KANK2: variants seen among roughly 807,000 people sequenced by gnomAD.
KANK2 encodes KN motif and ankyrin repeat domains 2.
Under a neutral mutation model 74.6 loss-of-function variants are expected in KANK2, and 41 were observed. The observed-to-expected ratio is 0.55, with a 90% CI of 0.43 to 0.71. The LOEUF (loss-of-function observed/expected upper bound fraction) is 0.71. Ranked by LOEUF, KANK2 falls within the 30% of genes least tolerant of loss-of-function variation. KANK2 has a pLI of 0.00. For missense variants in KANK2, 1,148 were observed against 1,196.4 expected (o/e 0.96, Z 0.60); for synonymous variants, 537 against 519.0 (o/e 1.03, Z -0.47).
At position 11,170,355 on chromosome 19, in the gene KANK2, C is replaced by T. The variant is rs1343998634; in HGVS notation, c.2212-107G>A. On this transcript the variant is annotated intron_variant, in intron 10 of 12. Transcript: ENST00000586659. This position sits in a 1 kb window ranked among gnomAD's most constrained non-coding sequence, Gnocchi z 5.2. Reference sequence around the variant, plus strand: ...CCACATACTCTGATGGTGAAATGTACCCTCAACTTGCTGATCTCCTCCTGA... The same window carrying T: ...CCACATACTCTGATGGTGAAATGTATCCTCAACTTGCTGATCTCCTCCTGA... 145 of 828,736 alleles carry T rather than the reference C, an allele frequency of 1.7e-4. No homozygotes were observed. Among genetic ancestry groups the T allele is most frequent in the Non-Finnish European group, 2.1e-5 (11 of 527,768 alleles). 51.3% of individuals were successfully genotyped at this position (828,736 alleles called of 1,614,324 possible).
chr19:11,176,278 GA>G (rs1173455044), intron 7 of KANK2, among the ~76,000 whole-genome samples: 1 of 152,136 alleles, frequency 6.6e-6, no homozygotes, highest in Non-Finnish European at 1.5e-5. Context: ...GAATAAAAAA[GA>G]GACATAAATA....
intron 4 of KANK2, 57 bp from the exon 5 acceptor site, chr19:11,178,777 C>T: frequency 6.9e-7 from 1 of 1,451,592 alleles, no homozygotes; most frequent in Non-Finnish European, 9.1e-7. Flanking sequence ...ACCACCACAG[C>T]CCTGCGGGTC....
At chr19:11,189,023 C>A (rs953171128) in intron 4 of KANK2, among the ~76,000 whole-genome samples, 1 of 151,424 alleles carries the variant, frequency 6.6e-6, no homozygotes, top group Non-Finnish European at 1.5e-5. Context: ...GGCTATAGGG[C>A]CAAGAGCTGA....
At chr19:11,182,561 A>AAC (rs766300556) in intron 4 of KANK2, among the ~76,000 whole-genome samples, 1 of 143,690 alleles carries the variant, frequency 7.0e-6, no homozygotes, top group African/African-American at 2.5e-5. Flanking sequence ...CAAAACAAAA[A>AAC]AGCCAGGCGC....
At position 11,174,586 on chromosome 19, in the gene KANK2, G is replaced by C. The variant is rs1395512662; in HGVS notation, c.1955C>G (p.Ser652Cys). The change falls in exon 9 of 13, where the codon TCT (serine) becomes TGT (cysteine). Residue 652 changes from serine to cysteine, a missense_variant. Physicochemically the swap from Ser to Cys is moderately radical, Grantham distance 112 (BLOSUM62 -1). Transcript: ENST00000586659. ...RRHLVTFRAM[S>C]ARLLDYVVNI... ...GACCACGTAGTCCAGCAGCCGCGCA[G>C]ACATGGCCCGGAACGTGACCAGGTG... is the stretch of plus-strand genomic sequence containing the variant. The C allele has an allele frequency of 1.2e-6, 2 of 1,613,310 alleles. No homozygotes were observed. The highest frequency in any genetic ancestry group is 1.7e-6 in the Non-Finnish European group (2 of 1,179,832).
At chr19:11,189,978 C>T (rs80158258) in intron 4 of KANK2, among the ~76,000 whole-genome samples, 1,918 of 152,176 alleles carry the variant, frequency 0.013, 32 homozygotes, top group African/African-American at 0.037. Flanking sequence ...CACGGGCCGG[C>T]GAGAAAACAC....
In KANK2 at chr19:11,193,137, G is replaced by A; in HGVS notation, c.943C>T (p.Pro315Ser). The A allele has an allele frequency of 6.2e-7, 1 of 1,607,576 alleles. No homozygotes were observed. The highest frequency in any genetic ancestry group is 8.5e-7 in the Non-Finnish European group (1 of 1,176,940). Residue 315 changes from proline (P) to serine (S), a missense_variant, in exon 4 of 13, where the codon CCC becomes TCC. Pro to Ser is a moderately conservative substitution (Grantham distance 74). Transcript: ENST00000586659. This position sits in a 1 kb window ranked among gnomAD's most constrained non-coding sequence, Gnocchi z 9.6. ...CTGTCCGGCGGTGGCCAGGCCTGGGGCTGGGGGTCAGCCTGCCGGGCCTGA... is the reference window on the plus strand; with the variant it reads ...CTGTCCGGCGGTGGCCAGGCCTGGGACTGGGGGTCAGCCTGCCGGGCCTGA... Reference protein sequence around the residue: ...AAQARQADPQPQAWPPPDSPV... With the variant: ...AAQARQADPQSQAWPPPDSPV...
chr19:11,170,883 G>A lies in KANK2; in HGVS notation c.2212-635C>T, dbSNP rs1185557385. 2.0e-5 allele frequency among the ~76,000 whole-genome samples: 3 copies of A among 152,054 alleles called. No individual in the cohort carries two copies. Among genetic ancestry groups the A allele is most frequent in the African/African-American group, 7.2e-5 (3 of 41,412 alleles). ...TGTCACCAGGCTGGAGTGCAGTGGC[G>A]CAATCTCGGCTCACTGCAACCTCCA... On this transcript the variant is annotated intron_variant, in intron 10 of 12. Transcript: ENST00000586659. This position sits in a 1 kb window ranked among gnomAD's most constrained non-coding sequence, Gnocchi z 5.2.
intron 6 of KANK2, among the ~76,000 whole-genome samples, chr19:11,177,371 T>C (rs1173372797): frequency 1.3e-5 from 2 of 152,044 alleles, no homozygotes; most frequent in Non-Finnish European, 2.9e-5. Flanking sequence ...CCATTTTTTT[T>C]TGAGACGGAG....
rs2078896018 is a variant in KANK2 at position 11,192,951 on chromosome 19, G to A, written c.1129C>T (p.Pro377Ser). 15 of 1,614,188 alleles carry A rather than the reference G, an allele frequency of 9.3e-6. No individual in the cohort carries two copies. The highest frequency in any genetic ancestry group is 1.3e-5 in the Non-Finnish European group (15 of 1,180,016). The change falls in exon 4 of 13, where the codon CCT becomes TCT. Residue 377 changes from proline (P) to serine (S), a missense_variant. Coordinates refer to ENST00000586659, the MANE Select transcript of KANK2 (RefSeq NM_001136191.3). ...LAMPGRPESP[P>S]VFRSQEVVET... ...ACCACCTCCTGGCTGCGGAACACAGGTGGGCTCTCAGGCCTACCAGGCATT... is the reference window on the plus strand; with the variant it reads ...ACCACCTCCTGGCTGCGGAACACAGATGGGCTCTCAGGCCTACCAGGCATT...
rs59959063 is a variant in KANK2 at position 11,169,779 on chromosome 19, C to T, written c.2502+98G>A. 1.1e-3 allele frequency: 1,091 copies of T among 1,022,670 alleles called. 10 individuals carry two copies. In the African/African-American group the frequency reaches 0.014, roughly 13 times the overall value. The allele number at this position is 1,022,670 out of a possible 1,614,324, so 63.3% of individuals were successfully genotyped here. ...TCGTGCCACCGCACTCCACCCTGGG[C>T]GACAGAGTGAGACTCTGCCTCAAAA... On this transcript the variant is annotated intron_variant, in intron 12 of 12. Transcript: ENST00000586659.
chr19:11,178,638 T>C lies in KANK2; in HGVS notation c.1332A>G (p.Thr444=). The C allele has an allele frequency of 6.3e-7, 1 of 1,587,050 alleles. No individual in the cohort carries two copies. The highest frequency in any genetic ancestry group is 1.4e-5 in the African/African-American group (1 of 72,998). Reference sequence around the variant, plus strand: ...TGGGCTCCTGGGTGGGCACTCGGCCTGTGCTCTTCTCAGGCTGTGTAAGGG... The same window carrying C: ...TGGGCTCCTGGGTGGGCACTCGGCCCGTGCTCTTCTCAGGCTGTGTAAGGG... ...VASLTQPEKS[T]GRVPTQEPTH... Residue 444 remains threonine, a synonymous_variant, in exon 5 of 13, where the codon ACA becomes ACG. Transcript: ENST00000586659.
intron 9 of KANK2, among the ~76,000 whole-genome samples, chr19:11,173,656 A>G (rs1227288498): frequency 6.6e-6 from 1 of 152,026 alleles, no homozygotes; most frequent in Non-Finnish European, 1.5e-5. Flanking sequence ...TGCCTTTTCC[A>G]TTATGCTGGC....
chr19:11,189,603 C>CAAAAAAAAAAAAAAA (rs56203270), intron 4 of KANK2, among the ~76,000 whole-genome samples: 1 of 43,126 alleles, frequency 2.3e-5, no homozygotes. Context: ...GACTCTGTCT[C>CAAAAAAAAAAAAAAA]AAAAAAAAAA....
At chr19:11,172,322 A>T (rs748153179) in intron 10 of KANK2, among the ~76,000 whole-genome samples, 2 of 152,192 alleles carry the variant, frequency 1.3e-5, no homozygotes, top group Non-Finnish European at 2.9e-5. Flanking sequence ...CTTGGAAATT[A>T]AAACAAAATT....
chr19:11,171,063 G>A (rs867793152), intron 10 of KANK2, among the ~76,000 whole-genome samples: 1 of 152,062 alleles, frequency 6.6e-6, no homozygotes, highest in African/African-American at 2.4e-5. Flanking sequence ...CTCGTGATCC[G>A]CCCGCCTAGG....
At position 11,170,237 on chromosome 19, in the gene KANK2, C is replaced by T. The variant is rs760607809; in HGVS notation, c.2223G>A (p.Thr741=). The T allele has an allele frequency of 7.5e-5, 121 of 1,609,686 alleles. No individual in the cohort carries two copies. In the East Asian group the frequency reaches 1.6e-3, roughly 21 times the overall value. ...INAKASQAGQ[T]ALMLAVSHGR... ...CGTGGCTGACGGCCAGCATCAGGGC[C>T]GTCTGTCCTGCCTGGGGAGGGCAAG... The change falls in exon 11 of 13, where the codon ACG becomes ACA. Residue 741 remains threonine (T), a synonymous_variant. Transcript: ENST00000586659. The surrounding 1 kb of genome is among the most constrained non-coding windows in gnomAD (Gnocchi z 5.2).
intron 10 of KANK2, among the ~76,000 whole-genome samples, chr19:11,171,554 G>A (rs564890440): frequency 4.0e-5 from 6 of 150,154 alleles, no homozygotes; most frequent in African/African-American, 9.7e-5. Flanking sequence ...GAGAGGAGGT[G>A]GGGGTGGGGG....
chr19:11,197,301 G>C (rs1415847540), intron 1 of KANK2, 184 bp downstream of exon 1: 1 of 151,088 alleles, frequency 6.6e-6, no homozygotes, highest in Non-Finnish European at 1.5e-5. Context: ...CGCGGGGACA[G>C]ACACTCCAAG....
Sources: allele counts gnomAD v4.1 joint callset (sites outside exome capture counted in the v4.1 genomes callset), GRCh38; gene constraint gnomAD v4.1.1; non-coding constraint Gnocchi (gnomAD v3.1); transcripts MANE v1.5; gene names NCBI Gene and HGNC (gene_info 2026-07-23, HGNC 2026-07-21).